The following PHACTR2 variants were observed in gnomAD, a reference collection of about 807,000 sequenced individuals.
The protein encoded by PHACTR2 is phosphatase and actin regulator 2, also known as chromosome 6 open reading frame 56.
A neutral mutation model predicts 76.0 loss-of-function variants in PHACTR2; 30 were observed. That is an observed-to-expected ratio of 0.39 (90% CI 0.30 to 0.54). The LOEUF is 0.54. Among genes scored for constraint, PHACTR2 ranks in the 20% least tolerant of loss-of-function variants. PHACTR2 has a pLI of 0.61. For missense variants in PHACTR2, 696 were observed against 781.1 expected (o/e 0.89, Z 1.30); for synonymous variants, 292 against 292.5 (o/e 1.00, Z 0.02).
In PHACTR2 at chr6:143,594,402, C is replaced by A. The variant is rs574956197; in HGVS notation, c.217+57195C>A. 2.6e-5 allele frequency among the ~76,000 whole-genome samples: 4 copies of A among 152,296 alleles called. No homozygotes were observed. The East Asian group carries it at 7.7e-4, about 29-fold the overall frequency. On this transcript the variant is annotated intron_variant, in intron 1 of 11. Transcript: ENST00000367584. ...GACTGTTGAGTCCCTACTGCTCTGC[C>A]CAATGCCTGGCTTATGCCAGCACTC...
chr6:143,749,440 G>A (rs979001651), intron 3 of PHACTR2, among the ~76,000 whole-genome samples: 1 of 152,108 alleles, frequency 6.6e-6, no homozygotes, highest in African/African-American at 2.4e-5. Context: ...GTTTTAGCTT[G>A]GTTCATGCTA....
intron 1 of PHACTR2, among the ~76,000 whole-genome samples, chr6:143,626,575 CAGA>C (rs1369679929): frequency 1.3e-5 from 2 of 148,706 alleles, no homozygotes; most frequent in South Asian, 2.1e-4. Flanking sequence ...GCATTGTTAT[CAGA>C]AGATGTTCCC....
rs896111695 is a variant in PHACTR2, at chr6:143,598,815, T to G, written c.217+61608T>G. Among the ~76,000 whole-genome samples the G allele has an allele frequency of 8.5e-5, 13 of 152,210 alleles. No individual in the cohort carries two copies. The highest frequency in any genetic ancestry group is 1.3e-4 in the Non-Finnish European group (9 of 68,040). ...ACCCCCTTAGAGGAATCACTAGACC[T>G]CATGTCTCAAAGACTAGCTAAGTGT... On this transcript the variant is annotated intron_variant, in intron 1 of 11. Coordinates refer to the PHACTR2 transcript ENST00000367584. This position sits in a 1 kb window ranked among gnomAD's most constrained non-coding sequence, Gnocchi z 4.1.
chr6:143,650,283 C>A (rs967047635), intron 1 of PHACTR2, among the ~76,000 whole-genome samples: 4 of 152,132 alleles, frequency 2.6e-5, no homozygotes, highest in African/African-American at 9.7e-5. Flanking sequence ...TTTATAGATT[C>A]AATGCTATTT....
intron 1 of PHACTR2, among the ~76,000 whole-genome samples, chr6:143,685,470 T>A (rs967874086): frequency 6.6e-6 from 1 of 152,148 alleles, no homozygotes; most frequent in African/African-American, 2.4e-5. Context: ...ATGGTTACAA[T>A]TGTGAACTCA....
rs1775295160 is a variant in PHACTR2, at chr6:143,776,973, T to C, written c.1590-355T>C. 6.6e-6 allele frequency among the ~76,000 whole-genome samples: 1 copy of C among 152,216 alleles called. No homozygotes were observed. Among genetic ancestry groups the C allele is most frequent in the Admixed American group, 6.5e-5 (1 of 15,284 alleles). ...GAAGGGAGCATGCACCCAGGCATTT[T>C]AAGGATGAGAAGGGGAAGTAACAAA... is the stretch of plus-strand genomic sequence containing the variant. On this transcript the variant is annotated intron_variant, in intron 8 of 12. Transcript: ENST00000440869. This position sits in a 1 kb window ranked among gnomAD's most constrained non-coding sequence, Gnocchi z 5.3.
chr6:143,770,910 T>C (rs1226659061), intron 6 of PHACTR2, among the ~76,000 whole-genome samples: 1 of 132,142 alleles, frequency 7.6e-6, no homozygotes, highest in Non-Finnish European at 1.6e-5. Flanking sequence ...TATCACCTTT[T>C]TTCTTTCTTT....
chr6:143,781,592 T>C (rs1775435805), intron 9 of PHACTR2, among the ~76,000 whole-genome samples: 2 of 152,232 alleles, frequency 1.3e-5, no homozygotes, highest in South Asian at 4.1e-4. Flanking sequence ...ACAATGTTAT[T>C]TTCACTATCG....
rs117252733 is a variant in PHACTR2 at position 143,735,617 on chromosome 6, T to A, written c.215-13368T>A. On this transcript the variant is annotated intron_variant, in intron 2 of 12. Coordinates refer to ENST00000440869, the MANE Select transcript of PHACTR2 (RefSeq NM_001100164.2). ...CCCCCACCCCACCACTTACCCTCTG[T>A]AATGTTTTTTTAAAAAAACTTCAGA... Among the ~76,000 whole-genome samples the A allele has an allele frequency of 4.2e-4, 64 of 151,998 alleles. No individual in the cohort carries two copies. The East Asian group carries it at 0.012, about 29-fold the overall frequency.
rs946103233 is a variant in PHACTR2, at chr6:143,589,542, G to A, written c.217+52335G>A. ...CAGTCTCAGGTAGTTCTTGCAATGC[G>A]AGAACAGACTGATACAACTGCCGTC... On this transcript the variant is annotated intron_variant, in intron 1 of 11. Coordinates refer to the PHACTR2 transcript ENST00000367584. This position sits in a 1 kb window ranked among gnomAD's most constrained non-coding sequence, Gnocchi z 4.4. 6.6e-5 allele frequency among the ~76,000 whole-genome samples: 10 copies of A among 152,050 alleles called. No homozygotes were observed. Among genetic ancestry groups the A allele is most frequent in the African/African-American group, 1.9e-4 (8 of 41,380 alleles).
chr6:143,757,939 G>A lies in PHACTR2; in HGVS notation c.455-2462G>A, dbSNP rs182978199. ...TATTTGCATACTCATATGTCCCTGC[G>A]TGTGTGTGCATGCACACGTGCGCGC... On this transcript the variant is annotated intron_variant, in intron 4 of 12. Transcript: ENST00000440869. This position sits in a 1 kb window ranked among gnomAD's most constrained non-coding sequence, Gnocchi z 4.2. 5.8e-4 allele frequency among the ~76,000 whole-genome samples: 84 copies of A among 144,292 alleles called. No homozygotes were observed. Among genetic ancestry groups the A allele is most frequent in the African/African-American group, 7.3e-4 (28 of 38,392 alleles). The allele number at this position is 144,292 out of a possible 152,430, so 94.7% of individuals were successfully genotyped here.
In PHACTR2 at chr6:143,780,597, T is replaced by G. The variant is rs1044437747; in HGVS notation, c.1646-2622T>G. Among the ~76,000 whole-genome samples the G allele has an allele frequency of 6.6e-6, 1 of 152,278 alleles. No homozygotes were observed. Among genetic ancestry groups the G allele is most frequent in the Non-Finnish European group, 1.5e-5 (1 of 68,052 alleles). On this transcript the variant is annotated intron_variant, in intron 9 of 12. Coordinates refer to ENST00000440869, the MANE Select transcript of PHACTR2 (RefSeq NM_001100164.2). The surrounding 1 kb of genome is among the most constrained non-coding windows in gnomAD (Gnocchi z 4.4). ...ACTCCAATTGCTGGTATTTTTATAC[T>G]TTTCTTTCTTCTTTTAGCTCATCCA... is the stretch of plus-strand genomic sequence containing the variant.
At position 143,642,088 on chromosome 6, in the gene PHACTR2, C is replaced by G. The variant is rs1434221593; in HGVS notation, c.13+33766C>G. ...AGATCCTTGATTCAGAATGTCCTTT[C>G]CATTCCACATACTATAGTCCCAAAC... On this transcript the variant is annotated intron_variant, in intron 1 of 11. Transcript: ENST00000305766. Among the ~76,000 whole-genome samples the G allele has an allele frequency of 2.6e-5, 4 of 152,188 alleles. No individual in the cohort carries two copies. In the East Asian group the frequency reaches 5.8e-4, roughly 22 times the overall value.
At position 143,581,569 on chromosome 6, in the gene PHACTR2, A is replaced by G. The variant is rs937769459; in HGVS notation, c.217+44362A>G. Among the ~76,000 whole-genome samples, 2 of 152,190 alleles carry G rather than the reference A, an allele frequency of 1.3e-5. No homozygotes were observed. The highest frequency in any genetic ancestry group is 4.8e-5 in the African/African-American group (2 of 41,454). On this transcript the variant is annotated intron_variant, in intron 1 of 11. Transcript: ENST00000367584. The surrounding 1 kb of genome is among the most constrained non-coding windows in gnomAD (Gnocchi z 4.5). ...GGAATGGCGGGAAGGATGAATGGAT[A>G]TGTGTATTAATTATCTATTGCTGCA...
rs1777334646 is a variant in PHACTR2, at chr6:143,679,498, A to T, written c.46+1289A>T. Among the ~76,000 whole-genome samples, 1 of 152,290 alleles carries T rather than the reference A, an allele frequency of 6.6e-6. No individual in the cohort carries two copies. The highest frequency in any genetic ancestry group is 1.9e-4 in the East Asian group (1 of 5,194). On this transcript the variant is annotated intron_variant, in intron 1 of 12. Transcript: ENST00000440869. This position sits in a 1 kb window ranked among gnomAD's most constrained non-coding sequence, Gnocchi z 4.6. Reference sequence around the variant, plus strand: ...AATAAGACTTGGTTTCCTTTGTCTTACCTTAAAGTGGTGTGAGACTTCTTT... The same window carrying T: ...AATAAGACTTGGTTTCCTTTGTCTTTCCTTAAAGTGGTGTGAGACTTCTTT...
intron 11 of PHACTR2, among the ~76,000 whole-genome samples, chr6:143,798,614 CA>C (rs1339013244): frequency 2.0e-5 from 3 of 152,102 alleles, no homozygotes; most frequent in Non-Finnish European, 4.4e-5. Context: ...GAATTTTGTC[CA>C]AGGCCTTTTC....
At chr6:143,629,472 G>A (rs1486257668) in intron 1 of PHACTR2, among the ~76,000 whole-genome samples, 2 of 152,128 alleles carry the variant, frequency 1.3e-5, no homozygotes, top group East Asian at 3.9e-4. Flanking sequence ...GTACCTCACG[G>A]TGATGGAGAA....
rs146622134 is a variant in PHACTR2, at chr6:143,755,409, G to A, written c.454+1497G>A. On this transcript the variant is annotated intron_variant, in intron 4 of 12. Coordinates refer to ENST00000440869, the MANE Select transcript of PHACTR2 (RefSeq NM_001100164.2). This position sits in a 1 kb window ranked among gnomAD's most constrained non-coding sequence, Gnocchi z 5.2. ...CAGTGCCATCTCTGGTGCCTGGTCC[G>A]TGCAGGGTATTCGTCACTGGACTGG... is the stretch of plus-strand genomic sequence containing the variant. 14,100 of 455,634 alleles carry A rather than the reference G, an allele frequency of 0.031. 774 individuals are homozygous for A. The highest frequency in any genetic ancestry group is 0.16 in the Admixed American group (6,720 of 42,520). The allele number at this position is 455,634 out of a possible 1,614,324, so 28.2% of individuals were successfully genotyped here.
chr6:143,728,472 T>C (rs1036725437), intron 2 of PHACTR2, among the ~76,000 whole-genome samples: 2 of 151,710 alleles, frequency 1.3e-5, no homozygotes, highest in Non-Finnish European at 1.5e-5. Context: ...CCTCATGAGA[T>C]TTTTCACAGA....
Sources: gnomAD v4.1 joint callset for allele counts (sites outside exome capture counted in the v4.1 genomes callset) on GRCh38, gnomAD v4.1.1 for gene constraint, Gnocchi (gnomAD v3.1) non-coding constraint, MANE v1.5 for transcripts, NCBI Gene and HGNC (gene_info 2026-07-23, HGNC 2026-07-21) for gene names.